Variants in CCDC60 observed in about 807,000 individuals in gnomAD.
CCDC60 encodes the protein coiled-coil domain containing 60.
CCDC60 carries 54 observed loss-of-function variants against 63.5 expected under a neutral mutation model. The observed-to-expected ratio is 0.85, with a 90% confidence interval of 0.68 to 1.07. The LOEUF is 1.07. Among genes scored for constraint, CCDC60 ranks in the 50% least tolerant of loss-of-function variants. The pLI, the probability that CCDC60 is intolerant of heterozygous loss-of-function variation, is 0.00. For missense variants in CCDC60, 651 were observed against 684.3 expected (o/e 0.95, Z 0.54); for synonymous variants, 206 against 238.8 (o/e 0.86, Z 1.27).
At chr12:119,503,050 A>G (rs804456) in intron 6 of CCDC60, among the ~76,000 whole-genome samples, 87,936 of 151,812 alleles carry the variant, frequency 0.58, 26,350 homozygotes, top group African/African-American at 0.66. Context: ...GGTGGTGGGC[A>G]CCTGTAATAC....
At chr12:119,500,656 C>G (rs146600653) in intron 6 of CCDC60, among the ~76,000 whole-genome samples, 2 of 150,912 alleles carry the variant, frequency 1.3e-5, no homozygotes, top group African/African-American at 4.9e-5. Flanking sequence ...GAGTTTGAGA[C>G]GAGCCTGGGC....
intron 8 of CCDC60, among the ~76,000 whole-genome samples, chr12:119,519,401 A>ATGTGTG (rs141127258): frequency 0.062 from 8,435 of 136,406 alleles, 420 homozygotes; most frequent in Non-Finnish European, 0.091. Context: ...AGTGATATAT[A>ATGTGTG]TGTGTGTGTG....
At chr12:119,454,240 T>G (rs1950685655) in intron 2 of CCDC60, among the ~76,000 whole-genome samples, 1 of 152,188 alleles carries the variant, frequency 6.6e-6, no homozygotes, top group African/African-American at 2.4e-5. Context: ...AACCCTATGG[T>G]CAGACTATTT....
At chr12:119,450,676 G>A (rs1950613406) in intron 2 of CCDC60, among the ~76,000 whole-genome samples, 1 of 152,134 alleles carries the variant, frequency 6.6e-6, no homozygotes, top group Non-Finnish European at 1.5e-5. Context: ...GGGCAACATG[G>A]TGAAACCCCA....
chr12:119,373,242 CATAA>C, intron 1 of CCDC60, among the ~76,000 whole-genome samples: 1 of 152,234 alleles, frequency 6.6e-6, no homozygotes, highest in South Asian at 2.1e-4. Context: ...CCCTTACAGT[CATAA>C]AATGCCTAGC....
chr12:119,340,137 T>A (rs1353475820), intron 1 of CCDC60, among the ~76,000 whole-genome samples: 2 of 152,182 alleles, frequency 1.3e-5, no homozygotes, highest in Non-Finnish European at 2.9e-5. Flanking sequence ...TATCACCTGT[T>A]TCAATTATAT....
Position 119,410,412 on chromosome 12 carries a change from T to C in CCDC60, c.91-18271T>C, listed in dbSNP as rs77986368. On this transcript the variant is annotated intron_variant, in intron 1 of 13. Transcript: ENST00000327554. This position sits in a 1 kb window ranked among gnomAD's most constrained non-coding sequence, Gnocchi z 4.0. Reference sequence around the variant, plus strand: ...AAAACTAAAGTAATAAAAAATGAAATGACAGAAAACTCAGTGCTCCATCTT... The same window carrying C: ...AAAACTAAAGTAATAAAAAATGAAACGACAGAAAACTCAGTGCTCCATCTT... Among the ~76,000 whole-genome samples the C allele has an allele frequency of 0.013, 2,035 of 152,242 alleles. 123 individuals carry two copies. The highest frequency in any genetic ancestry group is 0.095 in the Admixed American group (1,445 of 15,288).
At chr12:119,479,996 A>ACT (rs1951269230) in intron 4 of CCDC60, among the ~76,000 whole-genome samples, 1 of 5,146 alleles carries the variant, frequency 1.9e-4, no homozygotes, top group African/African-American at 4.6e-4. Context: ...CGTACATCAT[A>ACT]CACACACACA....
chr12:119,404,464 C>A (rs1432012769), intron 1 of CCDC60, among the ~76,000 whole-genome samples: 2 of 152,230 alleles, frequency 1.3e-5, no homozygotes, highest in South Asian at 2.1e-4. Context: ...TCAATGAGAC[C>A]CTGAGAGGGA....
At chr12:119,508,149 C>T (rs193070598) in intron 7 of CCDC60, among the ~76,000 whole-genome samples, 13 of 148,784 alleles carry the variant, frequency 8.7e-5, no homozygotes, top group Admixed American at 6.0e-4. Context: ...CCAGCCTGGG[C>T]AACAGAGTGA....
intron 8 of CCDC60, among the ~76,000 whole-genome samples, chr12:119,518,709 A>G (rs1210675520): frequency 6.7e-6 from 1 of 150,146 alleles, no homozygotes; most frequent in Non-Finnish European, 1.5e-5. Flanking sequence ...AATGGCAGTG[A>G]GGTTGGTGGT....
intron 7 of CCDC60, among the ~76,000 whole-genome samples, chr12:119,515,964 A>C (rs546770336): frequency 1.6e-4 from 24 of 152,308 alleles, no homozygotes; most frequent in African/African-American, 5.8e-4. Flanking sequence ...TCAGCTTTGG[A>C]AACAGTTCTC....
intron 7 of CCDC60, among the ~76,000 whole-genome samples, chr12:119,514,087 G>A (rs1952286041): frequency 6.6e-6 from 1 of 152,206 alleles, no homozygotes; most frequent in African/African-American, 2.4e-5. Flanking sequence ...GGGACAAGAT[G>A]TAGAGGTGAA....
intron 9 of CCDC60, among the ~76,000 whole-genome samples, chr12:119,520,469 T>C (rs1316582347): frequency 1.3e-5 from 2 of 152,052 alleles, no homozygotes; most frequent in African/African-American, 4.8e-5. Flanking sequence ...TGTCTCTTTC[T>C]CTCTACTTGG....
chr12:119,341,302 C>T (rs1955530101), intron 1 of CCDC60, among the ~76,000 whole-genome samples: 1 of 150,116 alleles, frequency 6.7e-6, no homozygotes, highest in South Asian at 2.1e-4. Flanking sequence ...CAAAATGAAG[C>T]AGGCTATTTG....
chr12:119,342,936 C>T (rs1955547269), intron 1 of CCDC60, among the ~76,000 whole-genome samples: 1 of 152,136 alleles, frequency 6.6e-6, no homozygotes, highest in Non-Finnish European at 1.5e-5. Flanking sequence ...GAAACTTATT[C>T]TTGACTTCCT....
At chr12:119,415,697 G>A (rs1956686724) in intron 1 of CCDC60, among the ~76,000 whole-genome samples, 2 of 152,190 alleles carry the variant, frequency 1.3e-5, no homozygotes, top group African/African-American at 4.8e-5. Context: ...GAGCTCTCTA[G>A]GAAGCAAAGT....
At chr12:119,532,099 G>A (rs1315569440) in intron 13 of CCDC60, among the ~76,000 whole-genome samples, 2 of 152,158 alleles carry the variant, frequency 1.3e-5, no homozygotes, top group African/African-American at 4.8e-5. Flanking sequence ...AGTGGAAGGA[G>A]GGGGATGACC....
chr12:119,338,473 G>A (rs992153603), intron 1 of CCDC60, among the ~76,000 whole-genome samples: 1 of 152,126 alleles, frequency 6.6e-6, no homozygotes, highest in Non-Finnish European at 1.5e-5. Flanking sequence ...CAACACTGAG[G>A]CTCAGAGAGG....
Sources: allele counts gnomAD v4.1 joint callset (sites outside exome capture counted in the v4.1 genomes callset), GRCh38; gene constraint gnomAD v4.1.1; non-coding constraint Gnocchi (gnomAD v3.1); transcripts MANE v1.5; gene names NCBI Gene and HGNC (gene_info 2026-07-23, HGNC 2026-07-21).